AUH: variants seen among roughly 807,000 people sequenced by gnomAD.
AUH encodes methylglutaconyl-CoA hydratase, mitochondrial.
A neutral mutation model predicts 42.3 loss-of-function variants in AUH; 29 were observed. That is an observed-to-expected ratio of 0.69 (90% CI 0.51 to 0.93). AUH has a LOEUF of 0.93. Ranked by LOEUF, AUH falls within the 40% of genes least tolerant of loss-of-function variation. The pLI is 0.00. For missense variants in AUH, 452 were observed against 438.1 expected (o/e 1.03, Z -0.28); for synonymous variants, 174 against 166.4 (o/e 1.05, Z -0.35).
Position 91,361,707 on chromosome 9 carries a change from G to A in AUH, c.183C>T (p.Pro61=), listed in dbSNP as rs1327531340. The A allele has an allele frequency of 1.3e-6, 2 of 1,555,142 alleles. No homozygotes were observed. The highest frequency in any genetic ancestry group is 1.9e-5 in the Admixed American group (1 of 51,560). ...AQGWVPAAGG[P]APKRGYSSEM... ...CAGAGCTGTAGCCCCTTTTCGGGGC[G>A]GGACCCCCGGCCGCAGGTACCCAGC... Residue 61 remains proline, a synonymous_variant, in exon 1 of 10, where the codon CCC becomes CCT. Coordinates refer to ENST00000375731, the MANE Select transcript of AUH (RefSeq NM_001698.3).
At chr9:91,280,962 T>C (rs1236353658) in intron 6 of AUH, among the ~76,000 whole-genome samples, 1 of 152,216 alleles carries the variant, frequency 6.6e-6, no homozygotes, top group Non-Finnish European at 1.5e-5. Flanking sequence ...TTTAAAAGTC[T>C]TGAATTTTAG....
chr9:91,329,535 A>G (rs1397923832), intron 3 of AUH, among the ~76,000 whole-genome samples: 1 of 152,196 alleles, frequency 6.6e-6, no homozygotes, highest in Non-Finnish European at 1.5e-5. Flanking sequence ...CTGGCCATTC[A>G]AACAGCTGCT....
chr9:91,351,583 A>G (rs921354705), intron 3 of AUH, among the ~76,000 whole-genome samples: 2 of 152,214 alleles, frequency 1.3e-5, no homozygotes, highest in African/African-American at 4.8e-5. Context: ...CCCCAACCCG[A>G]GTTGATGAAT....
chr9:91,325,352 A>C lies in AUH; in HGVS notation c.471T>G (p.Phe157Leu), dbSNP rs758240170. ...AKMSSSEVGP[F>L]VSKIRAVIND... ...TAATCACTGCTCTTATTTTGGAGAC[A>C]AAAGGACCAACTTCACTGGAACTCA... The change falls in exon 4 of 10, where the codon TTT becomes TTG. Residue 157 changes from phenylalanine (F) to leucine (L), a missense_variant. By Grantham distance (22) the Phe-to-Leu change is conservative. Coordinates refer to ENST00000375731, the MANE Select transcript of AUH (RefSeq NM_001698.3). 6.2e-7 allele frequency: 1 copy of C among 1,613,900 alleles called. No individual in the cohort carries two copies. Among genetic ancestry groups the C allele is most frequent in the South Asian group, 1.1e-5 (1 of 91,076 alleles).
intron 5 of AUH, among the ~76,000 whole-genome samples, chr9:91,296,883 G>T (rs1043558637): frequency 4.6e-5 from 7 of 152,182 alleles, no homozygotes; most frequent in Non-Finnish European, 1.0e-4. Context: ...TAAAGATGAG[G>T]TCTCCTTATG....
intron 6 of AUH, among the ~76,000 whole-genome samples, chr9:91,229,808 C>A (rs1564013766): frequency 1.3e-5 from 2 of 149,426 alleles, no homozygotes; most frequent in Non-Finnish European, 3.0e-5. Context: ...TTCTCCTTCA[C>A]TTATGAAGCT....
intron 4 of AUH, among the ~76,000 whole-genome samples, chr9:91,313,317 T>A (rs930136670): frequency 1.3e-5 from 2 of 152,150 alleles, no homozygotes; most frequent in South Asian, 4.1e-4. Context: ...AACAGTACAA[T>A]GCAGGATCCT....
intron 6 of AUH, among the ~76,000 whole-genome samples, chr9:91,269,845 A>G (rs959683537): frequency 3.3e-5 from 5 of 152,184 alleles, no homozygotes; most frequent in African/African-American, 1.2e-4. Context: ...ACTATTCCAC[A>G]AAACAAAAAA....
rs777729143 is a variant in AUH at position 91,296,034 on chromosome 9, A to G, written c.642T>C (p.Ile214=). Residue 214 remains isoleucine (I), a synonymous_variant, in exon 6 of 10, where the codon ATT becomes ATC. Transcript: ENST00000375731. The part of the protein sequence containing the change: ...KMGLVETKLA[I]IPGGGGTQRL... Reference sequence around the variant, plus strand: ...AACTACTCATACCTCCACCAGGAATAATCGCCAATTTTGTTTCAACCAGGC... The same window carrying G: ...AACTACTCATACCTCCACCAGGAATGATCGCCAATTTTGTTTCAACCAGGC... The G allele has an allele frequency of 6.2e-7, 1 of 1,614,124 alleles. No homozygotes were observed. The highest frequency in any genetic ancestry group is 8.5e-7 in the Non-Finnish European group (1 of 1,180,020).
intron 6 of AUH, among the ~76,000 whole-genome samples, chr9:91,286,812 G>A (rs972948462): frequency 1.3e-5 from 2 of 151,740 alleles, no homozygotes; most frequent in Non-Finnish European, 1.5e-5. Flanking sequence ...GGAGATGTTA[G>A]CCAAAGTACA....
chr9:91,358,132 TTAA>T (rs955156989), intron 1 of AUH, among the ~76,000 whole-genome samples: 1 of 151,888 alleles, frequency 6.6e-6, no homozygotes, highest in African/African-American at 2.4e-5. Flanking sequence ...TTTAAATGAG[TTAA>T]TGATGCCTAG....
intron 3 of AUH, among the ~76,000 whole-genome samples, chr9:91,350,995 CAG>C (rs1831930916): frequency 6.7e-6 from 1 of 150,036 alleles, no homozygotes; most frequent in Non-Finnish European, 1.5e-5. Flanking sequence ...TTTTTTCAAA[CAG>C]GGTCTCGCTC....
chr9:91,237,974 A>T (rs1412194481), intron 6 of AUH, among the ~76,000 whole-genome samples: 1 of 152,242 alleles, frequency 6.6e-6, no homozygotes, highest in African/African-American at 2.4e-5. Flanking sequence ...AATGACGAGC[A>T]CTGAGGATGA....
At chr9:91,307,583 T>C (rs752187468) in intron 4 of AUH, among the ~76,000 whole-genome samples, 13 of 152,322 alleles carry the variant, frequency 8.5e-5, no homozygotes, top group Admixed American at 2.0e-4. Context: ...CTCCATCCCT[T>C]CTTCAACACA....
intron 1 of AUH, among the ~76,000 whole-genome samples, chr9:91,359,591 A>G (rs1333617744): frequency 1.4e-5 from 2 of 146,728 alleles, no homozygotes; most frequent in East Asian, 1.9e-4. Context: ...AAAAGAAAAG[A>G]AAAGGAAATT....
intron 1 of AUH, among the ~76,000 whole-genome samples, chr9:91,359,830 T>G (rs1001761159): frequency 2.0e-5 from 3 of 152,182 alleles, no homozygotes; most frequent in Admixed American, 6.5e-5. Context: ...CCTTCACCTG[T>G]AGTACCCTTG....
intron 6 of AUH, among the ~76,000 whole-genome samples, chr9:91,232,319 G>A (rs1443909141): frequency 2.0e-5 from 3 of 152,162 alleles, no homozygotes; most frequent in Non-Finnish European, 4.4e-5. Flanking sequence ...GCTACAGTGA[G>A]CTATGATTAT....
intron 6 of AUH, among the ~76,000 whole-genome samples, chr9:91,239,756 C>CATGT (rs1828398072): frequency 2.3e-5 from 3 of 131,420 alleles, no homozygotes; most frequent in Non-Finnish European, 3.4e-5. Flanking sequence ...CACACACACA[C>CATGT]ATGCACACAC....
At chr9:91,217,387 TC>T in intron 7 of AUH, 60 bp from the exon 8 acceptor site, 1 of 1,541,376 alleles carries the variant, frequency 6.5e-7, no homozygotes. Flanking sequence ...ATGTCGTATA[TC>T]TCAGTAAAAT....
Sources: gnomAD v4.1 joint callset for allele counts (sites outside exome capture counted in the v4.1 genomes callset) on GRCh38, gnomAD v4.1.1 for gene constraint, MANE v1.5 for transcripts, NCBI Gene and HGNC (gene_info 2026-07-23, HGNC 2026-07-21) for gene names.